GPM6A: variants seen among roughly 807,000 people sequenced by gnomAD.
GPM6A encodes glycoprotein M6A, also known as neuronal membrane glycoprotein M6-a.
A neutral mutation model predicts 32.1 loss-of-function variants in GPM6A; 7 were observed. The ratio of observed to expected loss-of-function variants is 0.22; its 90% CI spans 0.12 to 0.41. The LOEUF is 0.41. GPM6A is among the 10% of genes least tolerant of loss of function. The pLI, the probability that GPM6A is intolerant of heterozygous loss-of-function variation, is 1.00. For missense variants in GPM6A, 235 were observed against 347.2 expected (o/e 0.68, Z 2.57); for synonymous variants, 130 against 123.4 (o/e 1.05, Z -0.35).
chr4:175,988,117 C>G (rs1356623054), intron 1 of GPM6A, among the ~76,000 whole-genome samples: 1 of 152,114 alleles, frequency 6.6e-6, no homozygotes, highest in Non-Finnish European at 1.5e-5. Context: ...CTCTAAACAA[C>G]ATTATTGACT....
At chr4:175,677,429 C>T (rs999240455) in intron 2 of GPM6A, among the ~76,000 whole-genome samples, 1 of 151,996 alleles carries the variant, frequency 6.6e-6, no homozygotes, top group African/African-American at 2.4e-5. Context: ...AAGACAAAAA[C>T]CTCTAAAGTA....
chr4:175,944,599 A>C (rs1739527774), intron 1 of GPM6A, among the ~76,000 whole-genome samples: 1 of 152,238 alleles, frequency 6.6e-6, no homozygotes, highest in Admixed American at 6.5e-5. Context: ...ACAGCTCTTA[A>C]CAGTATTATC....
rs558829288 is a variant in GPM6A at position 175,736,338 on chromosome 4, A to C, written c.38-34571T>G. 3.7e-4 allele frequency among the ~76,000 whole-genome samples: 57 copies of C among 152,332 alleles called. 1 individual carries two copies. In the South Asian group the frequency reaches 0.011, roughly 30 times the overall value. On this transcript the variant is annotated intron_variant, in intron 1 of 6. Transcript: ENST00000393658. ...CATAAAAAAAAGTTTTCTTGTAGAA[A>C]GGATTCTTAGAAGGAGGCATGTATA...
chr4:175,976,199 G>T (rs1300975656), intron 1 of GPM6A, among the ~76,000 whole-genome samples: 3 of 142,030 alleles, frequency 2.1e-5, no homozygotes, highest in African/African-American at 7.9e-5. Context: ...TTCCTGTGTC[G>T]CCCAGGCTGG....
At chr4:175,778,409 A>C (rs980161183) in intron 1 of GPM6A, among the ~76,000 whole-genome samples, 1 of 151,786 alleles carries the variant, frequency 6.6e-6, no homozygotes, top group Admixed American at 6.6e-5. Context: ...GGCAGATCAC[A>C]AGGTCAAGAG....
chr4:175,735,774 C>A (rs918413447), intron 1 of GPM6A, among the ~76,000 whole-genome samples: 1 of 152,092 alleles, frequency 6.6e-6, no homozygotes, highest in Non-Finnish European at 1.5e-5. Context: ...GTTGGTCAGG[C>A]TGGTCTCAAA....
At chr4:175,756,332 A>G (rs1235176684) in intron 1 of GPM6A, among the ~76,000 whole-genome samples, 1 of 152,134 alleles carries the variant, frequency 6.6e-6, no homozygotes, top group Non-Finnish European at 1.5e-5. Context: ...TGGTGAAAAC[A>G]TAGAGATTAG....
chr4:175,746,451 T>C (rs865834468), intron 1 of GPM6A, among the ~76,000 whole-genome samples: 12 of 152,212 alleles, frequency 7.9e-5, no homozygotes, highest in African/African-American at 2.7e-4. Context: ...CAATGCTTTG[T>C]GTGTTCTCTT....
At chr4:175,871,515 G>A (rs909462433) in intron 1 of GPM6A, among the ~76,000 whole-genome samples, 1 of 152,070 alleles carries the variant, frequency 6.6e-6, no homozygotes, top group African/African-American at 2.4e-5. Context: ...CTAACAAGTA[G>A]CTGCCTTTCC....
chr4:175,837,523 T>C (rs956398936), intron 1 of GPM6A, among the ~76,000 whole-genome samples: 1 of 152,114 alleles, frequency 6.6e-6, no homozygotes, highest in East Asian at 1.9e-4. Context: ...AAAGAGGGGC[T>C]GTGGGGTTAG....
rs540024989 is a variant in GPM6A, at chr4:175,865,847, G to A, written c.-22-53598C>T. Among the ~76,000 whole-genome samples the A allele has an allele frequency of 2.6e-5, 4 of 152,062 alleles. No individual in the cohort carries two copies. The South Asian group carries it at 6.2e-4, about 24-fold the overall frequency. ...TTTGTTATCAGTAGAAGAGTGATTTGATAGGAAACCACTATTAAAAAAAAC... is the reference window on the plus strand; with the variant it reads ...TTTGTTATCAGTAGAAGAGTGATTTAATAGGAAACCACTATTAAAAAAAAC... On this transcript the variant is annotated intron_variant, in intron 1 of 7. Coordinates refer to the GPM6A transcript ENST00000280187.
At chr4:175,816,868 ATT>A (rs66480555), upstream of GPM6A, among the ~76,000 whole-genome samples, 38 of 149,946 alleles carry the variant, frequency 2.5e-4, no homozygotes, top group South Asian at 1.1e-3. Context: ...TTTTATTTTT[ATT>A]TTTTTTTTGA....
chr4:175,946,644 G>A lies in GPM6A; in HGVS notation c.-23+55665C>T, dbSNP rs573441508. On this transcript the variant is annotated intron_variant, in intron 1 of 7. Coordinates refer to the GPM6A transcript ENST00000280187. ...CAGAGCATGTCAAGAACAGGGAACC[G>A]CAAGCACAGCTGTGGAGTGTCCGAG... Among the ~76,000 whole-genome samples, 9 of 152,210 alleles carry A rather than the reference G, an allele frequency of 5.9e-5. No individual in the cohort carries two copies. The East Asian group carries it at 9.7e-4, about 16-fold the overall frequency.
At chr4:175,649,365 T>C (rs542374022) in intron 4 of GPM6A, among the ~76,000 whole-genome samples, 5 of 152,324 alleles carry the variant, frequency 3.3e-5, no homozygotes, top group African/African-American at 9.6e-5. Flanking sequence ...TTAATAAGTT[T>C]TTCTCTTTTT....
chr4:175,910,187 A>C (rs1738269406), intron 1 of GPM6A, among the ~76,000 whole-genome samples: 1 of 152,198 alleles, frequency 6.6e-6, no homozygotes, highest in Non-Finnish European at 1.5e-5. Context: ...AGCCAGTGGA[A>C]TTCTGCTACA....
chr4:175,998,740 A>G (rs1474120031), intron 1 of GPM6A, among the ~76,000 whole-genome samples: 1 of 152,150 alleles, frequency 6.6e-6, no homozygotes, highest in Non-Finnish European at 1.5e-5. Flanking sequence ...CATATCATAT[A>G]TATCATATAA....
intron 1 of GPM6A, among the ~76,000 whole-genome samples, chr4:175,939,156 A>T (rs943732925): frequency 6.6e-6 from 1 of 152,198 alleles, no homozygotes; most frequent in African/African-American, 2.4e-5. Context: ...AATTATATCG[A>T]TCACCCCTCT....
chr4:175,677,234 T>TAAAGCAAAATTTTGCTATGATA (rs1419316405), intron 2 of GPM6A, among the ~76,000 whole-genome samples: 2 of 152,190 alleles, frequency 1.3e-5, no homozygotes, highest in African/African-American at 4.8e-5. Flanking sequence ...TTTGCTATGA[T>TAAAGCAAAATTTTGCTATGATA]AAGTAATACA....
chr4:175,852,327 T>C (rs182973020), intron 1 of GPM6A, among the ~76,000 whole-genome samples: 1 of 151,912 alleles, frequency 6.6e-6, no homozygotes, highest in Admixed American at 6.6e-5. Context: ...AAAGGAGTAA[T>C]GAGAAAATGA....
Sources: gnomAD v4.1 joint callset for allele counts (sites outside exome capture counted in the v4.1 genomes callset) on GRCh38, gnomAD v4.1.1 for gene constraint, MANE v1.5 for transcripts, NCBI Gene and HGNC (gene_info 2026-07-23, HGNC 2026-07-21) for gene names.